The following SYCP2L variants were observed in gnomAD, a reference collection of about 807,000 sequenced individuals.
The protein encoded by SYCP2L is synaptonemal complex protein 2-like.
Under a neutral mutation model 125.8 loss-of-function variants are expected in SYCP2L, and 98 were observed. That is an observed-to-expected ratio of 0.78 (90% confidence interval 0.66 to 0.92). SYCP2L has a LOEUF of 0.92. Ranked by LOEUF, SYCP2L falls within the 40% of genes least tolerant of loss-of-function variation. SYCP2L has a pLI of 0.00. For missense variants in SYCP2L, 842 were observed against 936.4 expected, an observed-to-expected ratio of 0.90 and a Z score of 1.32; for synonymous variants, 317 against 325.4, an observed-to-expected ratio of 0.97 and a Z score of 0.28.
intron 7 of SYCP2L, 56 bp from the exon 8 acceptor site, chr6:10,902,819 G>A (rs570590282): frequency 2.5e-5 from 41 of 1,609,442 alleles, no homozygotes; most frequent in Admixed American, 2.3e-4. Flanking sequence ...AAAGAAGATC[G>A]TACATAGGTC....
intron 2 of SYCP2L, among the ~76,000 whole-genome samples, chr6:10,892,720 G>A (rs946350): frequency 2.0e-5 from 3 of 152,098 alleles, no homozygotes; most frequent in African/African-American, 7.2e-5. Context: ...TCTCAGGACC[G>A]TGGTAAGGAT....
intron 14 of SYCP2L, among the ~76,000 whole-genome samples, chr6:10,919,208 T>C (rs1287475839): frequency 3.9e-5 from 6 of 152,206 alleles, no homozygotes; most frequent in Admixed American, 6.5e-5. Flanking sequence ...GTAGGCTCTG[T>C]CAGAGGGAAG....
chr6:10,896,236 C>T (rs1195010155), intron 4 of SYCP2L, among the ~76,000 whole-genome samples: 1 of 152,202 alleles, frequency 6.6e-6, no homozygotes, highest in African/African-American at 2.4e-5. Flanking sequence ...TACCATATTC[C>T]TAAGAAGTCA....
At chr6:10,972,871 C>G (rs1476385823) in intron 29 of SYCP2L, among the ~76,000 whole-genome samples, 4 of 152,078 alleles carry the variant, frequency 2.6e-5, no homozygotes, top group Non-Finnish European at 4.4e-5. Context: ...TTCCTGGAAG[C>G]CCAAGCTGAT....
chr6:10,898,974 C>A, intron 6 of SYCP2L, 126 bp downstream of exon 6: 1 of 665,122 alleles, frequency 1.5e-6, no homozygotes. Flanking sequence ...ATTTATTGAC[C>A]ACCTTATGGT....
chr6:10,910,730 C>A, intron 11 of SYCP2L, 94 bp from the exon 12 acceptor site: 1 of 1,307,864 alleles, frequency 7.6e-7, no homozygotes, highest in Non-Finnish European at 1.1e-6. Flanking sequence ...GACTTAATGG[C>A]ATACTCTAGT....
intron 9 of SYCP2L, among the ~76,000 whole-genome samples, chr6:10,906,850 C>T (rs561099933): frequency 7.9e-5 from 12 of 152,064 alleles, no homozygotes; most frequent in Non-Finnish European, 1.3e-4. Flanking sequence ...CCTCCTGCCT[C>T]GGCCTCCCAA....
At chr6:10,905,742 T>TA (rs1234855756) in intron 8 of SYCP2L, among the ~76,000 whole-genome samples, 1 of 152,166 alleles carries the variant, frequency 6.6e-6, no homozygotes, top group East Asian at 1.9e-4. Context: ...GATGAACCCT[T>TA]AGAGATCATC....
At chr6:10,928,212 T>C (rs1780931568) in intron 17 of SYCP2L, among the ~76,000 whole-genome samples, 191 bp from the exon 18 acceptor site, 1 of 151,636 alleles carries the variant, frequency 6.6e-6, no homozygotes, top group African/African-American at 2.4e-5. Context: ...AAGGGTATTG[T>C]GATACCCTTG....
intron 25 of SYCP2L, among the ~76,000 whole-genome samples, chr6:10,957,335 G>A (rs1045189083): frequency 6.6e-6 from 1 of 152,178 alleles, no homozygotes; most frequent in Non-Finnish European, 1.5e-5. Context: ...ATTGTGGTTT[G>A]TATTTATAAG....
rs539516175 is a variant in SYCP2L at position 10,971,067 on chromosome 6, T to G, written c.*38-2885T>G. 4.6e-5 allele frequency among the ~76,000 whole-genome samples: 7 copies of G among 152,316 alleles called. No individual in the cohort carries two copies. The East Asian group carries it at 1.2e-3, about 25-fold the overall frequency. ...TTGCCTGTGAAGTAAGAGGTCTAGA[T>G]TCTAAATGGATGTTCTAGAAATGTC... On this transcript the variant is annotated intron_variant, in intron 29 of 29. Coordinates refer to ENST00000283141, the MANE Select transcript of SYCP2L (RefSeq NM_001040274.3).
chr6:10,932,432 GT>G (rs1204765158), intron 20 of SYCP2L, among the ~76,000 whole-genome samples: 2 of 152,178 alleles, frequency 1.3e-5, no homozygotes, highest in African/African-American at 4.8e-5. Flanking sequence ...GTTCGGAGCG[GT>G]TTATAAGGAG....
chr6:10,936,062 ATTG>A, intron 21 of SYCP2L, among the ~76,000 whole-genome samples: 1 of 152,224 alleles, frequency 6.6e-6, no homozygotes, highest in Admixed American at 6.5e-5. Flanking sequence ...CAATATTAAT[ATTG>A]TTCATTATTC....
chr6:10,961,724 C>T (rs1165834716), intron 28 of SYCP2L, among the ~76,000 whole-genome samples, 166 bp downstream of exon 28: 3 of 152,124 alleles, frequency 2.0e-5, no homozygotes, highest in East Asian at 1.9e-4. Flanking sequence ...CAGAGTGCGG[C>T]TAATGATACC....
At chr6:10,924,827 G>A (rs185381826) in intron 15 of SYCP2L, among the ~76,000 whole-genome samples, 186 bp downstream of exon 15, 2 of 152,286 alleles carry the variant, frequency 1.3e-5, no homozygotes, top group East Asian at 1.9e-4. Flanking sequence ...ATGGGTCATT[G>A]TCTTGAGGTA....
intron 8 of SYCP2L, 34 bp downstream of exon 8, chr6:10,902,997 A>G (rs767892870): frequency 6.4e-7 from 1 of 1,567,180 alleles, no homozygotes; most frequent in Non-Finnish European, 8.8e-7. Flanking sequence ...GTGCTGTAGT[A>G]AGGGTAAAAT....
At chr6:10,941,736 G>A (rs550574728) in intron 21 of SYCP2L, among the ~76,000 whole-genome samples, 145 of 152,332 alleles carry the variant, frequency 9.5e-4, no homozygotes, top group Non-Finnish European at 1.7e-3. Context: ...CATTGTGGAA[G>A]TCAGTGTGGT....
At chr6:10,957,554 G>A (rs1227262452) in intron 25 of SYCP2L, among the ~76,000 whole-genome samples, 1 of 152,166 alleles carries the variant, frequency 6.6e-6, no homozygotes, top group African/African-American at 2.4e-5. Flanking sequence ...ATTCATGCCT[G>A]TGGATCCCAG....
At chr6:10,894,466 TATTATTTTAA>T (rs1260573322) in intron 4 of SYCP2L, among the ~76,000 whole-genome samples, 2 of 152,208 alleles carry the variant, frequency 1.3e-5, no homozygotes, top group African/African-American at 4.8e-5. Flanking sequence ...ATGCAGTAAT[TATTATTTTAA>T]ATTATTTTAG....
Sources: allele counts gnomAD v4.1 joint callset (sites outside exome capture counted in the v4.1 genomes callset), GRCh38; gene constraint gnomAD v4.1.1; transcripts MANE v1.5; gene names NCBI Gene and HGNC (gene_info 2026-07-23, HGNC 2026-07-21).